The following PKHD1 variants were observed in gnomAD, a reference collection of about 807,000 sequenced individuals.
PKHD1 encodes the protein fibrocystin.
A neutral mutation model predicts 412.0 loss-of-function variants in PKHD1; 291 were observed. The observed-to-expected ratio is 0.71, with a 90% CI of 0.64 to 0.78. PKHD1 has a LOEUF of 0.78. PKHD1 is among the 30% of genes least tolerant of loss of function. The probability of loss-of-function intolerance (pLI) is 0.00; values close to 1 mark genes in which losing one functional copy is unlikely to be tolerated. For synonymous variants in PKHD1, 1,777 were observed against 1,821.5 expected, an observed-to-expected ratio of 0.98 and a Z score of 0.62; for missense variants, 4,825 against 4,950.7, an observed-to-expected ratio of 0.97 and a Z score of 0.76.
chr6:51,629,680 A>T (rs1767699403), intron 65 of PKHD1, among the ~76,000 whole-genome samples: 1 of 152,182 alleles, frequency 6.6e-6, no homozygotes, highest in South Asian at 2.1e-4. Flanking sequence ...TAAAATTCAT[A>T]TGTGATTTTC....
At position 51,748,286 on chromosome 6, in the gene PKHD1, C is replaced by T. The variant is rs1400915471; in HGVS notation, c.9330G>A (p.Lys3110=). The change falls in exon 58 of 67, where the codon AAG becomes AAA. Residue 3110 remains lysine (K), a synonymous_variant. Transcript: ENST00000371117. ...ERLGFHIRGH[K]CSSCELLWSD... ...ACCAAAGCAGTTCACAAGAGGAGCA[C>T]TTGTGGCCTCGGATGTGAAAGCCAA... 27 of 1,613,926 alleles carry T rather than the reference C, an allele frequency of 1.7e-5. No individual in the cohort carries two copies. The highest frequency in any genetic ancestry group is 2.1e-5 in the Non-Finnish European group (25 of 1,179,972).
chr6:52,075,693 T>G (rs1200619022), intron 6 of PKHD1, among the ~76,000 whole-genome samples: 1 of 152,214 alleles, frequency 6.6e-6, no homozygotes, highest in East Asian at 1.9e-4. Context: ...ACCTTCCAAG[T>G]GGCATCCAAT....
intron 60 of PKHD1, among the ~76,000 whole-genome samples, chr6:51,705,178 C>T (rs902236700): frequency 6.6e-6 from 1 of 152,032 alleles, no homozygotes; most frequent in Non-Finnish European, 1.5e-5. Flanking sequence ...TCAGTTACTA[C>T]AGTACCGAGA....
chr6:51,856,378 C>T (rs1773314022), intron 48 of PKHD1, among the ~76,000 whole-genome samples: 1 of 152,186 alleles, frequency 6.6e-6, no homozygotes, highest in South Asian at 2.1e-4. Context: ...GCTCTTGTTG[C>T]CCATGCTGGA....
At chr6:52,069,627 T>C (rs549156528) in intron 10 of PKHD1, 100 bp from the exon 11 acceptor site, 34 of 854,212 alleles carry the variant, frequency 4.0e-5, no homozygotes, top group African/African-American at 2.1e-4. Flanking sequence ...CTAACCTCTA[T>C]TGATCTTTAG....
Position 51,955,997 on chromosome 6 carries a change from T to C in PKHD1, c.5908+3873A>G, listed in dbSNP as rs1021995035. Among the ~76,000 whole-genome samples the C allele has an allele frequency of 2.4e-4, 36 of 152,058 alleles. 1 individual carries two copies. Among genetic ancestry groups the C allele is most frequent in the African/African-American group, 8.2e-4 (34 of 41,432 alleles). ...GATGATGATTGTGATTATTCAATCT[T>C]ATATTTGAAGAGCTCTTTATTATCT... is the stretch of plus-strand genomic sequence containing the variant. On this transcript the variant is annotated intron_variant, in intron 36 of 66. Coordinates refer to ENST00000371117, the MANE Select transcript of PKHD1 (RefSeq NM_138694.4).
intron 48 of PKHD1, among the ~76,000 whole-genome samples, chr6:51,858,797 G>T (rs974583494): frequency 1.3e-5 from 2 of 152,160 alleles, no homozygotes; most frequent in African/African-American, 4.8e-5. Context: ...ACTCCAGCTG[G>T]TTATGCAGTA....
At chr6:52,029,401 A>G (rs1802710823) in intron 29 of PKHD1, among the ~76,000 whole-genome samples, 1 of 152,206 alleles carries the variant, frequency 6.6e-6, no homozygotes, top group Non-Finnish European at 1.5e-5. Context: ...GGCACAAAAT[A>G]AGTTAAACAC....
At chr6:51,862,615 G>A in intron 48 of PKHD1, among the ~76,000 whole-genome samples, 1 of 152,202 alleles carries the variant, frequency 6.6e-6, no homozygotes, top group East Asian at 1.9e-4. Flanking sequence ...GGCAGGGGGT[G>A]ACTCGTACTT....
At chr6:51,663,673 T>C (rs993549201) in intron 60 of PKHD1, among the ~76,000 whole-genome samples, 5 of 152,154 alleles carry the variant, frequency 3.3e-5, no homozygotes, top group African/African-American at 1.2e-4. Flanking sequence ...TGTGTTCTTG[T>C]CAGGTGTCTA....
At chr6:51,742,587 T>C (rs1784686379) in intron 60 of PKHD1, among the ~76,000 whole-genome samples, 1 of 152,154 alleles carries the variant, frequency 6.6e-6, no homozygotes, top group Non-Finnish European at 1.5e-5. Context: ...TTCTGCATGC[T>C]CTTGGATGAC....
chr6:52,029,321 T>C (rs979763765), intron 29 of PKHD1, among the ~76,000 whole-genome samples: 14 of 152,220 alleles, frequency 9.2e-5, no homozygotes, highest in Middle Eastern at 3.2e-3. Flanking sequence ...ATGTGTACAC[T>C]ATGAACACTT....
intron 50 of PKHD1, among the ~76,000 whole-genome samples, 192 bp downstream of exon 50, chr6:51,847,583 T>C (rs1354692751): frequency 2.0e-5 from 3 of 152,174 alleles, no homozygotes; most frequent in African/African-American, 4.8e-5. Context: ...GCTCTGTGTA[T>C]GCTAGCTGGT....
chr6:51,691,107 A>T (rs1778102538), intron 60 of PKHD1, among the ~76,000 whole-genome samples: 1 of 152,224 alleles, frequency 6.6e-6, no homozygotes, highest in African/African-American at 2.4e-5. Context: ...ACAATGAGAT[A>T]CCATCTAACA....
chr6:51,744,591 A>G lies in PKHD1; in HGVS notation c.9999-49T>C, dbSNP rs765890621. 3.5e-6 allele frequency: 5 copies of G among 1,448,000 alleles called. No homozygotes were observed. The South Asian group carries it at 5.7e-5, about 17-fold the overall frequency. 89.7% of individuals were successfully genotyped at this position (1,448,000 alleles called of 1,614,324 possible). ...CTCTTTCATTTCATGATAAGCAGCA[A>G]GAAGAAAATATACATTGGTAGTGCT... On this transcript the variant is annotated intron_variant, in intron 59 of 66. Transcript: ENST00000371117.
At chr6:51,790,249 G>T (rs1375278441) in intron 53 of PKHD1, among the ~76,000 whole-genome samples, 6 of 152,098 alleles carry the variant, frequency 3.9e-5, no homozygotes. Flanking sequence ...CCTTACTAAA[G>T]TTCTAAATTA....
At chr6:51,821,395 G>A (rs1257468387) in intron 52 of PKHD1, among the ~76,000 whole-genome samples, 1 of 152,166 alleles carries the variant, frequency 6.6e-6, no homozygotes, top group Non-Finnish European at 1.5e-5. Context: ...ATAAACCAGG[G>A]TAGCAGGTCA....
chr6:51,820,842 G>A (rs1766282766), intron 52 of PKHD1, among the ~76,000 whole-genome samples: 1 of 152,136 alleles, frequency 6.6e-6, no homozygotes, highest in Non-Finnish European at 1.5e-5. Context: ...GCTCCCTCAA[G>A]GGAGTATAAT....
At chr6:51,716,698 G>A (rs944192584) in intron 60 of PKHD1, among the ~76,000 whole-genome samples, 2 of 152,056 alleles carry the variant, frequency 1.3e-5, no homozygotes, top group African/African-American at 4.8e-5. Context: ...TGGTCCTGAA[G>A]TGGGTGTAAC....
Sources: allele counts gnomAD v4.1 joint callset (sites outside exome capture counted in the v4.1 genomes callset), GRCh38; gene constraint gnomAD v4.1.1; transcripts MANE v1.5; gene names NCBI Gene and HGNC (gene_info 2026-07-23, HGNC 2026-07-21).